Variants in EEFSEC observed in about 807,000 individuals in gnomAD.
EEFSEC encodes the protein selenocysteine-specific elongation factor.
A neutral mutation model predicts 42.1 loss-of-function variants in EEFSEC; 43 were observed. The observed-to-expected ratio is 1.02, with a 90% CI of 0.80 to 1.32. EEFSEC has a LOEUF of 1.32. Among genes scored for constraint, EEFSEC ranks in the 40% most tolerant of loss-of-function variants. EEFSEC has a pLI of 0.00. For missense variants in EEFSEC, 745 were observed against 803.6 expected, an observed-to-expected ratio of 0.93 and a Z score of 0.88; for synonymous variants, 354 against 339.1, an observed-to-expected ratio of 1.04 and a Z score of -0.48.
intron 1 of EEFSEC, among the ~76,000 whole-genome samples, chr3:128,226,366 T>A (rs1284556245): frequency 1.3e-5 from 2 of 152,236 alleles, no homozygotes; most frequent in African/African-American, 4.8e-5. Flanking sequence ...ACAGCTGTAC[T>A]GAGTTGTTGC....
At chr3:128,366,399 A>G (rs903218012) in intron 6 of EEFSEC, among the ~76,000 whole-genome samples, 1 of 152,240 alleles carries the variant, frequency 6.6e-6, no homozygotes, top group African/African-American at 2.4e-5. Flanking sequence ...TGTGCCAGGC[A>G]GCACGCCCTT....
intron 1 of EEFSEC, among the ~76,000 whole-genome samples, chr3:128,166,716 G>A (rs554112873): frequency 2.6e-5 from 4 of 152,010 alleles, no homozygotes; most frequent in East Asian, 3.9e-4. Context: ...CCCAAGGTGC[G>A]GCCCTTGAAC....
At chr3:128,325,529 C>T (rs6772407) in intron 4 of EEFSEC, among the ~76,000 whole-genome samples, 26,490 of 152,120 alleles carry the variant, frequency 0.17, 3,060 homozygotes, top group African/African-American at 0.33. Context: ...GATGTTTGCA[C>T]GGGGAGGAAT....
downstream of EEFSEC, among the ~76,000 whole-genome samples, chr3:128,408,818 C>T (rs2107643609): frequency 6.6e-6 from 1 of 152,302 alleles, no homozygotes; most frequent in South Asian, 2.1e-4. Context: ...TTCTCAACCC[C>T]ACTAGGTGGC....
chr3:128,333,957 T>C (rs905042672), intron 4 of EEFSEC, among the ~76,000 whole-genome samples: 1 of 152,180 alleles, frequency 6.6e-6, no homozygotes, highest in Non-Finnish European at 1.5e-5. Context: ...TCTCATCCAC[T>C]TGATCAGCAA....
the EEFSEC span, among the ~76,000 whole-genome samples, chr3:128,424,284 A>G: frequency 2.0e-5 from 3 of 152,356 alleles, no homozygotes; most frequent in South Asian, 2.1e-4. Context: ...CCAGGGCTGC[A>G]GAAGAGGCCA....
At chr3:128,346,615 T>C (rs972477025) in intron 5 of EEFSEC, among the ~76,000 whole-genome samples, 1 of 152,204 alleles carries the variant, frequency 6.6e-6, no homozygotes, top group Non-Finnish European at 1.5e-5. Context: ...TTTCATGTGA[T>C]GGGTATGCAC....
At chr3:128,352,267 G>A (rs1355899705) in intron 5 of EEFSEC, among the ~76,000 whole-genome samples, 2 of 152,212 alleles carry the variant, frequency 1.3e-5, no homozygotes, top group Non-Finnish European at 2.9e-5. Context: ...GAATGTAGGA[G>A]CTGTCTCCCT....
chr3:128,169,217 C>G (rs2107773229), intron 1 of EEFSEC, among the ~76,000 whole-genome samples: 1 of 152,306 alleles, frequency 6.6e-6, no homozygotes, highest in Non-Finnish European at 1.5e-5. Context: ...AAAGCTGAAG[C>G]TAAACTGTGG....
chr3:128,265,933 C>A (rs947934453), intron 4 of EEFSEC, among the ~76,000 whole-genome samples: 1 of 152,126 alleles, frequency 6.6e-6, no homozygotes, highest in Non-Finnish European at 1.5e-5. Context: ...GTATTAGATG[C>A]AGATAGATAA....
intron 1 of EEFSEC, among the ~76,000 whole-genome samples, chr3:128,201,027 T>A (rs2065637949): frequency 1.3e-5 from 2 of 152,204 alleles, no homozygotes; most frequent in Admixed American, 1.3e-4. Context: ...ACCTTTGCAA[T>A]TTTCATCTTA....
chr3:128,319,404 G>A (rs529772849), intron 4 of EEFSEC, among the ~76,000 whole-genome samples: 7 of 152,340 alleles, frequency 4.6e-5, no homozygotes, highest in South Asian at 2.1e-4. Context: ...CTCAGTGAGC[G>A]AGGGTGGCTC....
chr3:128,389,516 A>G (rs914668912), intron 6 of EEFSEC, among the ~76,000 whole-genome samples: 2 of 152,346 alleles, frequency 1.3e-5, no homozygotes, highest in South Asian at 4.1e-4. Flanking sequence ...GTTTCTGGCT[A>G]TCCCCCTGGA....
intron 1 of EEFSEC, among the ~76,000 whole-genome samples, chr3:128,213,436 TGAA>T (rs1157378197): frequency 6.6e-6 from 1 of 152,174 alleles, no homozygotes; most frequent in Non-Finnish European, 1.5e-5. Context: ...TGTCTGTACC[TGAA>T]GAATTGACAC....
At chr3:128,195,592 C>T (rs548112575) in intron 1 of EEFSEC, among the ~76,000 whole-genome samples, 27 of 152,282 alleles carry the variant, frequency 1.8e-4, no homozygotes, top group South Asian at 1.7e-3. Context: ...CCAGGCTCTG[C>T]GAACCTCTGC....
At chr3:128,379,633 A>G (rs1309717574) in intron 6 of EEFSEC, among the ~76,000 whole-genome samples, 2 of 152,192 alleles carry the variant, frequency 1.3e-5, no homozygotes, top group Non-Finnish European at 2.9e-5. Context: ...TGTGGCTGTC[A>G]TGTCTCTGGG....
At chr3:128,392,509 C>T (rs561557132) in intron 6 of EEFSEC, among the ~76,000 whole-genome samples, 2 of 152,350 alleles carry the variant, frequency 1.3e-5, no homozygotes, top group South Asian at 4.1e-4. Context: ...CTGCCATCCA[C>T]CTGTATTCTG....
At chr3:128,156,620 A>G (rs1223822049) in intron 1 of EEFSEC, among the ~76,000 whole-genome samples, 1 of 152,266 alleles carries the variant, frequency 6.6e-6, no homozygotes, top group Non-Finnish European at 1.5e-5. Context: ...ATTAAGCATC[A>G]AACATTTCAC....
chr3:128,311,121 G>A (rs912170306), intron 4 of EEFSEC, among the ~76,000 whole-genome samples: 27 of 152,354 alleles, frequency 1.8e-4, no homozygotes, highest in Admixed American at 1.7e-3. Flanking sequence ...TTCAGATTTA[G>A]ACCAATGTGT....
Sources: gnomAD v4.1 joint callset for allele counts (sites outside exome capture counted in the v4.1 genomes callset) on GRCh38, gnomAD v4.1.1 for gene constraint, MANE v1.5 for transcripts, NCBI Gene and HGNC (gene_info 2026-07-23, HGNC 2026-07-21) for gene names.